Variants in JARID2 observed in about 807,000 individuals in gnomAD.
JARID2 encodes jumonji and AT-rich interaction domain containing 2.
JARID2 carries 21 observed loss-of-function variants against 125.6 expected under a neutral mutation model. The ratio of observed to expected loss-of-function variants is 0.17; its 90% CI spans 0.12 to 0.24. The LOEUF is 0.24. JARID2 is among the 10% of genes least tolerant of loss of function. The pLI, the probability that JARID2 is intolerant of heterozygous loss-of-function variation, is 1.00. For missense variants in JARID2, 1,303 were observed against 1,639.6 expected, an observed-to-expected ratio of 0.79 and a Z score of 3.55; for synonymous variants, 736 against 661.6, an observed-to-expected ratio of 1.11 and a Z score of -1.73.
chr6:15,311,571 T>G (rs1397756258), intron 1 of JARID2, among the ~76,000 whole-genome samples: 1 of 152,070 alleles, frequency 6.6e-6, no homozygotes, highest in East Asian at 1.9e-4. Flanking sequence ...AGAGCGAAAC[T>G]CCGTCTCAAG....
Position 15,460,101 on chromosome 6 carries a change from C to A in JARID2, c.493+7926C>A, listed in dbSNP as rs568661227. 8.6e-4 allele frequency among the ~76,000 whole-genome samples: 131 copies of A among 152,232 alleles called. 1 individual carries two copies. The highest frequency in any genetic ancestry group is 2.9e-3 in the African/African-American group (122 of 41,540). The stretch of plus-strand genomic sequence containing the variant: ...GGCTTTCAGTGGCCTTAACGTTCTG[C>A]ATATGCTTGGTTTTCTCCTAGAGTC... On this transcript the variant is annotated intron_variant, in intron 4 of 17. Transcript: ENST00000341776.
At chr6:15,477,440 C>T (rs1769397586) in intron 5 of JARID2, among the ~76,000 whole-genome samples, 1 of 150,526 alleles carries the variant, frequency 6.6e-6, no homozygotes, top group Admixed American at 6.6e-5. Context: ...CCTCTGGTAG[C>T]TCCATTTTTC....
At chr6:15,494,115 C>T (rs1770288092) in intron 6 of JARID2, among the ~76,000 whole-genome samples, 1 of 152,172 alleles carries the variant, frequency 6.6e-6, no homozygotes, top group Admixed American at 6.5e-5. Flanking sequence ...GATGTCCTAC[C>T]AAGAATTTGT....
chr6:15,356,587 G>T (rs182917588), intron 1 of JARID2, among the ~76,000 whole-genome samples: 200 of 152,242 alleles, frequency 1.3e-3, no homozygotes, highest in African/African-American at 4.5e-3. Flanking sequence ...ATATAAGCTT[G>T]AAGTGGGAAG....
chr6:15,435,188 G>A (rs1767149337), intron 3 of JARID2, among the ~76,000 whole-genome samples: 1 of 152,164 alleles, frequency 6.6e-6, no homozygotes, highest in Non-Finnish European at 1.5e-5. Context: ...TCCCCTGAAT[G>A]TGAAAAGTTG....
intron 1 of JARID2, among the ~76,000 whole-genome samples, chr6:15,303,944 G>T (rs1423068908): frequency 6.6e-6 from 1 of 152,150 alleles, no homozygotes; most frequent in Non-Finnish European, 1.5e-5. Context: ...GCACTGGGTT[G>T]AGACCTCAAC....
At chr6:15,512,000 C>G (rs1301105222) in intron 13 of JARID2, among the ~76,000 whole-genome samples, 1 of 152,240 alleles carries the variant, frequency 6.6e-6, no homozygotes, top group Non-Finnish European at 1.5e-5. Flanking sequence ...TCATCATGTC[C>G]TCAGCTGTGC....
Position 15,389,066 on chromosome 6 carries a change from T to C in JARID2, c.181+14814T>C, listed in dbSNP as rs547292904. ...GGTCTCTGAAGTGGTAGTCTGCTTT[T>C]AGCTTTCCATGGCTCTCAAAGTTAT... On this transcript the variant is annotated intron_variant, in intron 2 of 17. Transcript: ENST00000341776. 3.7e-4 allele frequency among the ~76,000 whole-genome samples: 56 copies of C among 152,332 alleles called. No homozygotes were observed. In the Middle Eastern group the frequency reaches 0.01, roughly 28 times the overall value.
At chr6:15,283,661 A>G (rs1253716989) in intron 1 of JARID2, among the ~76,000 whole-genome samples, 2 of 142,864 alleles carry the variant, frequency 1.4e-5, no homozygotes, top group African/African-American at 2.6e-5. Context: ...TTTATTAAAT[A>G]TGTTGCAAAT....
At chr6:15,265,261 A>G (rs1760037248) in intron 1 of JARID2, among the ~76,000 whole-genome samples, 2 of 151,982 alleles carry the variant, frequency 1.3e-5, no homozygotes, top group African/African-American at 4.8e-5. Flanking sequence ...TTTAACAGCT[A>G]CTGCTCCGGG....
intron 1 of JARID2, among the ~76,000 whole-genome samples, chr6:15,290,634 C>G (rs1396510773): frequency 6.6e-6 from 1 of 152,088 alleles, no homozygotes; most frequent in Admixed American, 6.6e-5. Flanking sequence ...TTTTTTCCCC[C>G]CCAAGACAGT....
chr6:15,315,106 G>A (rs1273613270), intron 1 of JARID2: 3 of 152,164 alleles, frequency 2.0e-5, no homozygotes, highest in African/African-American at 7.2e-5. Flanking sequence ...GTTTTGAATA[G>A]TATTTTGCCT....
At chr6:15,509,136 C>G (rs1192388608) in intron 12 of JARID2, 1 of 1,288,138 alleles carries the variant, frequency 7.8e-7, no homozygotes, top group African/African-American at 1.5e-5. Context: ...CTGTAGCCAT[C>G]CCTGATTGAG....
chr6:15,458,382 C>T (rs1768287217), intron 4 of JARID2, among the ~76,000 whole-genome samples: 5 of 152,292 alleles, frequency 3.3e-5, no homozygotes, highest in Non-Finnish European at 5.9e-5. Flanking sequence ...CACAGTTCAG[C>T]GTCACGGCTC....
intron 1 of JARID2, chr6:15,247,589 G>C: frequency 2.0e-6 from 2 of 984,104 alleles, no homozygotes; most frequent in South Asian, 9.4e-5. Context: ...TGCAACGTAA[G>C]AGGAAAGTTT....
chr6:15,317,777 G>C (rs1397027200), intron 1 of JARID2, among the ~76,000 whole-genome samples: 1 of 152,212 alleles, frequency 6.6e-6, no homozygotes, highest in Non-Finnish European at 1.5e-5. Context: ...TTCATCTTCA[G>C]GGTGGATGCA....
intron 3 of JARID2, among the ~76,000 whole-genome samples, chr6:15,436,120 C>T (rs1027597270): frequency 6.6e-6 from 1 of 152,112 alleles, no homozygotes; most frequent in Admixed American, 6.5e-5. Flanking sequence ...CAGGGTGCTC[C>T]TTTAGTTTGC....
intron 3 of JARID2, among the ~76,000 whole-genome samples, chr6:15,416,560 C>T (rs1390228326): frequency 1.3e-5 from 2 of 151,772 alleles, no homozygotes; most frequent in African/African-American, 2.4e-5. Flanking sequence ...TGGTGGCGCG[C>T]GCCTGCAATG....
intron 16 of JARID2, among the ~76,000 whole-genome samples, chr6:15,515,032 T>C (rs1771477165): frequency 7.4e-6 from 1 of 134,300 alleles, no homozygotes; most frequent in African/African-American, 2.6e-5. Flanking sequence ...TAGCTTGGTG[T>C]GCTCTCTCTC....
Sources: gnomAD v4.1 joint callset for allele counts (sites outside exome capture counted in the v4.1 genomes callset) on GRCh38, gnomAD v4.1.1 for gene constraint, MANE v1.5 for transcripts, NCBI Gene and HGNC (gene_info 2026-07-23, HGNC 2026-07-21) for gene names.